STK33: variants seen among roughly 807,000 people sequenced by gnomAD.
STK33 encodes serine/threonine-protein kinase 33.
In STK33, 52 loss-of-function variants were observed where a neutral mutation model predicts 58.0. That is an observed-to-expected ratio of 0.90 (90% confidence interval 0.72 to 1.13). The LOEUF is 1.13. Ranked by LOEUF, STK33 falls within the 50% of genes most tolerant of loss-of-function variation. The probability of loss-of-function intolerance (pLI) is 0.00; values close to 1 mark genes in which losing one functional copy is unlikely to be tolerated. For synonymous variants in STK33, 215 were observed against 200.1 expected (o/e 1.07, Z -0.63); for missense variants, 630 against 604.2 (o/e 1.04, Z -0.45).
At chr11:8,442,115 C>T (rs1176358917) in intron 11 of STK33, among the ~76,000 whole-genome samples, 3 of 151,766 alleles carry the variant, frequency 2.0e-5, no homozygotes, top group African/African-American at 7.3e-5. Flanking sequence ...CTCCTTTTTC[C>T]TCTGCCTAGT....
chr11:8,480,492 C>T lies in STK33; in HGVS notation c.-343G>A, dbSNP rs1405735939. On this transcript the variant is annotated 5_prime_UTR_variant, in exon 2 of 16. An upstream start codon of the reference 5' UTR is lost. Coordinates refer to ENST00000687296, the MANE Select transcript of STK33 (RefSeq NM_001352389.2). ...CAGCCCTAAAATTCACCTCAGTCAA[C>T]ATGAACTCCATCTGGAACAGAGCAG... is the stretch of plus-strand genomic sequence containing the variant. The T allele has an allele frequency of 6.6e-6, 1 of 152,280 alleles. No individual in the cohort carries two copies. Among genetic ancestry groups the T allele is most frequent in the African/African-American group, 2.4e-5 (1 of 41,400 alleles). 9.4% of individuals were successfully genotyped at this position (152,280 alleles called of 1,614,324 possible). A position where few individuals can be genotyped will look rare whatever the true frequency, so the allele number is the denominator to read the frequency against.
chr11:8,588,673 C>T lies in STK33; in HGVS notation c.-466+5410G>A, dbSNP rs939873092. Among the ~76,000 whole-genome samples the T allele has an allele frequency of 5.9e-5, 9 of 152,192 alleles. No homozygotes were observed. The South Asian group carries it at 1.7e-3, about 28-fold the overall frequency. On this transcript the variant is annotated intron_variant, in intron 1 of 15. Transcript: ENST00000687296. The stretch of plus-strand genomic sequence containing the variant: ...ACCAAATAAAAAATATATTGAACTT[C>T]ATAAAATTAAAAATTTTTGTGCTTC...
chr11:8,454,198 A>G (rs1946593471), intron 10 of STK33, among the ~76,000 whole-genome samples: 1 of 152,260 alleles, frequency 6.6e-6, no homozygotes, highest in Non-Finnish European at 1.5e-5. Context: ...ACACATTTAT[A>G]TATTTTGAAA....
At chr11:8,363,887 G>A in the STK33 span, among the ~76,000 whole-genome samples, 1 of 152,170 alleles carries the variant, frequency 6.6e-6, no homozygotes, top group Non-Finnish European at 1.5e-5. Context: ...AAGAATTAAA[G>A]TGTTTCATTT....
At chr11:8,446,753 C>T (rs1304210591) in intron 11 of STK33, among the ~76,000 whole-genome samples, 2 of 152,160 alleles carry the variant, frequency 1.3e-5, no homozygotes, top group Non-Finnish European at 2.9e-5. Context: ...GTTGGGAAAA[C>T]TGGCTAGCCA....
chr11:8,409,051 AT>A (rs1253541944), intron 15 of STK33, among the ~76,000 whole-genome samples: 1 of 152,232 alleles, frequency 6.6e-6, no homozygotes, highest in Admixed American at 6.5e-5. Context: ...TTTAGACAAA[AT>A]TAGCTAAGTT....
intron 1 of STK33, among the ~76,000 whole-genome samples, chr11:8,580,563 C>T (rs531731414): frequency 2.4e-4 from 36 of 152,084 alleles, no homozygotes; most frequent in Non-Finnish European, 4.9e-4. Flanking sequence ...TTTGATAGCA[C>T]AACAGGATGA....
At chr11:8,481,605 C>G (rs1459240375) in intron 1 of STK33, among the ~76,000 whole-genome samples, 1 of 152,160 alleles carries the variant, frequency 6.6e-6, no homozygotes, top group Non-Finnish European at 1.5e-5. Flanking sequence ...GCACCTCCAC[C>G]ATAATGCAGT....
At chr11:8,398,339 C>G (rs1199956698) in intron 15 of STK33, among the ~76,000 whole-genome samples, 2 of 152,162 alleles carry the variant, frequency 1.3e-5, no homozygotes, top group Admixed American at 6.5e-5. Context: ...TTTCAACCCA[C>G]AATTTCATAT....
At chr11:8,573,264 G>C (rs976014013) in intron 1 of STK33, among the ~76,000 whole-genome samples, 7 of 152,118 alleles carry the variant, frequency 4.6e-5, no homozygotes, top group African/African-American at 1.7e-4. Flanking sequence ...AATTCATTTA[G>C]AAGATGGGCA....
At chr11:8,528,902 C>T (rs1251028386) in intron 1 of STK33, among the ~76,000 whole-genome samples, 1 of 152,192 alleles carries the variant, frequency 6.6e-6, no homozygotes. Flanking sequence ...GTGTACTGAA[C>T]ACTTGCTATA....
intron 1 of STK33, among the ~76,000 whole-genome samples, chr11:8,521,702 G>A (rs1953457292): frequency 6.6e-6 from 1 of 151,956 alleles, no homozygotes; most frequent in South Asian, 2.1e-4. Flanking sequence ...CTACAGAATG[G>A]GAGAAAATTT....
chr11:8,505,967 T>C (rs1951835710), intron 1 of STK33, among the ~76,000 whole-genome samples: 1 of 152,198 alleles, frequency 6.6e-6, no homozygotes, highest in South Asian at 2.1e-4. Context: ...CACCACACTG[T>C]TGAGGATTAA....
rs1946421636 is a variant in STK33, at chr11:8,452,686, G to C, written c.871+136C>G. On this transcript the variant is annotated intron_variant, in intron 11 of 15. Transcript: ENST00000687296. ...ACCTGTGGTCCTAGCTACTTGAGAG[G>C]CTGAGGTGGGGGGATGGCTTGAGCC... 10 of 688,546 alleles carry C rather than the reference G, an allele frequency of 1.5e-5. No homozygotes were observed. In the South Asian group the frequency reaches 1.8e-4, roughly 13 times the overall value. 42.7% of individuals were successfully genotyped at this position (688,546 alleles called of 1,614,324 possible). A position where few individuals can be genotyped will look rare whatever the true frequency, so the allele number is the denominator to read the frequency against.
intron 14 of STK33, among the ~76,000 whole-genome samples, chr11:8,422,808 T>C (rs1017897307): frequency 5.3e-5 from 8 of 152,060 alleles, no homozygotes; most frequent in East Asian, 3.9e-4. Flanking sequence ...CTTTTCCATA[T>C]GTAAGATTTT....
At chr11:8,517,187 C>G (rs1049272689) in intron 1 of STK33, among the ~76,000 whole-genome samples, 6 of 152,178 alleles carry the variant, frequency 3.9e-5, no homozygotes, top group African/African-American at 1.4e-4. Flanking sequence ...ATTTGCTGTT[C>G]TGCAGCCTCC....
At chr11:8,445,191 G>A (rs1190012730) in intron 11 of STK33, among the ~76,000 whole-genome samples, 1 of 152,072 alleles carries the variant, frequency 6.6e-6, no homozygotes, top group Non-Finnish European at 1.5e-5. Context: ...GTCTGTTATT[G>A]GTGTCTAGGA....
At chr11:8,493,966 T>G (rs919610404) in intron 1 of STK33, among the ~76,000 whole-genome samples, 33 of 152,226 alleles carry the variant, frequency 2.2e-4, no homozygotes, top group African/African-American at 7.0e-4. Flanking sequence ...TAAGAGCTAT[T>G]TATGACAAAC....
intron 15 of STK33, among the ~76,000 whole-genome samples, chr11:8,398,057 A>T (rs1024750918): frequency 6.6e-6 from 1 of 152,252 alleles, no homozygotes; most frequent in African/African-American, 2.4e-5. Context: ...ATCCAGGAGA[A>T]CTTCCCCAAT....
Sources: gnomAD v4.1 joint callset for allele counts (sites outside exome capture counted in the v4.1 genomes callset) on GRCh38, gnomAD v4.1.1 for gene constraint, MANE v1.5 for transcripts, NCBI Gene and HGNC (gene_info 2026-07-23, HGNC 2026-07-21) for gene names.